Variants in USP54 observed in about 807,000 individuals in gnomAD.
The protein encoded by USP54 is ubiquitin carboxyl-terminal hydrolase 54.
A neutral mutation model predicts 170.5 loss-of-function variants in USP54; 87 were observed. The observed-to-expected ratio is 0.51, with a 90% CI of 0.43 to 0.61. USP54 has a LOEUF of 0.61. USP54 is among the 20% of genes least tolerant of loss of function. USP54 has a pLI of 0.00. For synonymous variants in USP54, 655 were observed against 742.8 expected, an observed-to-expected ratio of 0.88 and a Z score of 1.92; for missense variants, 1,786 against 2,047.8, an observed-to-expected ratio of 0.87 and a Z score of 2.47.
chr10:73,594,710 G>A (rs1029247497), upstream of USP54, among the ~76,000 whole-genome samples: 14 of 152,090 alleles, frequency 9.2e-5, no homozygotes, highest in African/African-American at 2.9e-4. Flanking sequence ...TTTGATCCTG[G>A]GGAGAGGGGA....
At chr10:73,607,337 G>T (rs61070841) in intron 1 of USP54, among the ~76,000 whole-genome samples, 3 of 127,630 alleles carry the variant, frequency 2.4e-5, no homozygotes, top group Non-Finnish European at 4.9e-5. Flanking sequence ...AAAAAAAAAA[G>T]AAAAAAAAAA....
chr10:73,539,712 G>GT, intron 9 of USP54, 119 bp from the exon 10 acceptor site: 12 of 1,153,068 alleles, frequency 1.0e-5, no homozygotes, highest in Non-Finnish European at 1.4e-5. Context: ...CTTCCCTTCA[G>GT]TTTAAGATTT....
chr10:73,536,467 C>T (rs147766439), intron 10 of USP54, 30 bp from the exon 11 acceptor site: 211 of 1,504,008 alleles, frequency 1.4e-4, no homozygotes, highest in Non-Finnish European at 1.8e-4. Context: ...AAGAACATGA[C>T]AATTATACTT....
upstream of USP54, among the ~76,000 whole-genome samples, chr10:73,594,561 G>T (rs1336076416): frequency 6.8e-6 from 1 of 147,468 alleles, no homozygotes; most frequent in Non-Finnish European, 1.5e-5. Context: ...TGTACAACCA[G>T]ACCCAGCTAA....
At chr10:73,556,635 C>T (rs1007165303) in intron 4 of USP54, among the ~76,000 whole-genome samples, 8 of 152,126 alleles carry the variant, frequency 5.3e-5, no homozygotes, top group Admixed American at 2.0e-4. Flanking sequence ...TGAGCCACCG[C>T]GCCCGGGCTG....
intron 12 of USP54, among the ~76,000 whole-genome samples, chr10:73,533,012 T>G (rs2064350671): frequency 6.6e-6 from 1 of 152,094 alleles, no homozygotes; most frequent in Admixed American, 6.5e-5. Context: ...TATTTTTAAG[T>G]GTTACAATGC....
At chr10:73,558,531 CCTCAGGAATATATATCTTTA>C (rs996822462) in intron 4 of USP54, among the ~76,000 whole-genome samples, 1 of 152,084 alleles carries the variant, frequency 6.6e-6, no homozygotes, top group African/African-American at 2.4e-5. Flanking sequence ...CCGCACCTGG[CCTCAGGAATATATATCTTTA>C]AGCCAGACAT....
At chr10:73,542,436 C>G (rs2066819250) in intron 7 of USP54, among the ~76,000 whole-genome samples, 2 of 151,938 alleles carry the variant, frequency 1.3e-5, no homozygotes, top group South Asian at 2.1e-4. Context: ...CAATTAAAGT[C>G]CAATAGGCCA....
chr10:73,545,694 A>T, intron 4 of USP54, 22 bp from the exon 5 acceptor site: 3 of 1,610,734 alleles, frequency 1.9e-6, no homozygotes, highest in Non-Finnish European at 2.5e-6. Context: ...AGGTTAGACA[A>T]GAGAAAAAGT....
intron 12 of USP54, among the ~76,000 whole-genome samples, chr10:73,531,603 A>T (rs545226245): frequency 6.6e-6 from 1 of 152,174 alleles, no homozygotes; most frequent in Non-Finnish European, 1.5e-5. Context: ...TGCCCACAAG[A>T]GGTCTGATTT....
chr10:73,541,552 T>C (rs1222465999), intron 8 of USP54, 31 bp from the exon 9 acceptor site: 1 of 1,613,708 alleles, frequency 6.2e-7, no homozygotes, highest in Admixed American at 1.7e-5. Context: ...TAGTTCAACA[T>C]GTTTCCCACT....
At chr10:73,554,877 T>C (rs1312399699) in intron 4 of USP54, among the ~76,000 whole-genome samples, 2 of 152,140 alleles carry the variant, frequency 1.3e-5, no homozygotes, top group African/African-American at 4.8e-5. Context: ...TCCCAGCACT[T>C]TGGGAGGATG....
At chr10:73,618,132 A>C (rs2080798935) in intron 1 of USP54, among the ~76,000 whole-genome samples, 1 of 148,998 alleles carries the variant, frequency 6.7e-6, no homozygotes. Flanking sequence ...AATTGCTTGA[A>C]CCCGGGAGGC....
At chr10:73,603,111 G>A (rs181768934) in intron 1 of USP54, among the ~76,000 whole-genome samples, 19 of 152,094 alleles carry the variant, frequency 1.2e-4, no homozygotes, top group Admixed American at 3.3e-4. Flanking sequence ...CTTCTAATAC[G>A]CTAACAGGCT....
chr10:73,569,556 C>A lies in USP54; in HGVS notation c.240+1865G>T, dbSNP rs189087561. On this transcript the variant is annotated intron_variant, in intron 4 of 23. Transcript: ENST00000687698. Reference sequence around the variant, plus strand: ...CAGCACTTTGGGAGGCCGAGGCGGGCGTCACCTGAAGTCAGTGAGACCCTG... The same window carrying A: ...CAGCACTTTGGGAGGCCGAGGCGGGAGTCACCTGAAGTCAGTGAGACCCTG... Among the ~76,000 whole-genome samples, 3 of 151,824 alleles carry A rather than the reference C, an allele frequency of 2.0e-5. No homozygotes were observed. In the East Asian group the frequency reaches 5.8e-4, roughly 29 times the overall value.
chr10:73,498,913 A>G lies in USP54; in HGVS notation c.4771T>C (p.Phe1591Leu). ...VPHTQSWSDLFHSPSHPPIVH... is the reference protein window; with the variant it reads ...VPHTQSWSDLLHSPSHPPIVH... ...ATGGGAGGGTGGGAGGGTGAATGGA[A>G]AAGATCACTCCAGGACTGAGTGTGA... The change falls in exon 24 of 24, where the codon TTC (phenylalanine) becomes CTC (leucine). Residue 1591 changes from phenylalanine (F) to leucine (L), a missense_variant. Physicochemically the swap from Phe to Leu is conservative, Grantham distance 22 (BLOSUM62 0). Transcript: ENST00000687698. The G allele has an allele frequency of 3.1e-6, 5 of 1,614,120 alleles. No homozygotes were observed. The highest frequency in any genetic ancestry group is 4.2e-6 in the Non-Finnish European group (5 of 1,180,008).
intron 11 of USP54, among the ~76,000 whole-genome samples, chr10:73,535,314 A>G (rs1326819147): frequency 6.6e-6 from 1 of 152,142 alleles, no homozygotes; most frequent in Non-Finnish European, 1.5e-5. Context: ...TGAGATAAGC[A>G]TAATAGGACA....
At chr10:73,618,699 G>A (rs1400362637) in intron 1 of USP54, among the ~76,000 whole-genome samples, 4 of 142,428 alleles carry the variant, frequency 2.8e-5, no homozygotes, top group Admixed American at 1.4e-4. Context: ...CTGCGATTGC[G>A]CCACTGCACT....
intron 1 of USP54, among the ~76,000 whole-genome samples, chr10:73,601,368 G>A (rs553742095): frequency 6.6e-6 from 1 of 152,268 alleles, no homozygotes; most frequent in South Asian, 2.1e-4. Context: ...AATAAAGTTA[G>A]AACCACCTAA....
Sources: gnomAD v4.1 joint callset for allele counts (sites outside exome capture counted in the v4.1 genomes callset) on GRCh38, gnomAD v4.1.1 for gene constraint, MANE v1.5 for transcripts, NCBI Gene and HGNC (gene_info 2026-07-23, HGNC 2026-07-21) for gene names.